TRIM15: variants seen among roughly 807,000 people sequenced by gnomAD.
The protein encoded by TRIM15 is tripartite motif containing 15, also known as E3 ubiquitin-protein ligase TRIM15.
In TRIM15, 35 loss-of-function variants were observed where a neutral mutation model predicts 35.8. That is an observed-to-expected ratio of 0.98 (90% CI 0.75 to 1.30). The LOEUF is 1.30. Ranked by LOEUF, TRIM15 falls within the 50% of genes most tolerant of loss-of-function variation. The pLI is 0.00. For synonymous variants in TRIM15, 252 were observed against 249.8 expected, an observed-to-expected ratio of 1.01 and a Z score of -0.08; for missense variants, 590 against 593.5, an observed-to-expected ratio of 0.99 and a Z score of 0.06.
At position 30,163,766 on chromosome 6, in the gene TRIM15, A is replaced by G. The variant is rs368737286; in HGVS notation, c.82A>G (p.Thr28Ala). The G allele has an allele frequency of 6.1e-5, 98 of 1,612,904 alleles. No individual in the cohort carries two copies. The African/African-American group carries it at 1.1e-3, about 18-fold the overall frequency. The change falls in exon 1 of 7, where the codon ACC becomes GCC. Residue 28 changes from threonine (T) to alanine (A), a missense_variant. By Grantham distance (58) the Thr-to-Ala change is moderately conservative. Coordinates refer to ENST00000376694, the MANE Select transcript of TRIM15 (RefSeq NM_033229.3). ...TGCGGGGCCGCTGGAGGATGCGGTG[A>G]CCATTCCCTGTGGACACACCTTCTG... ...LCAGPLEDAV[T>A]IPCGHTFCRL...
In TRIM15 at chr6:30,163,845, T is replaced by C. The variant is rs546917735; in HGVS notation, c.161T>C (p.Ile54Thr). The change falls in exon 1 of 7, where the codon ATC becomes ACC. Residue 54 changes from isoleucine (I) to threonine (T), a missense_variant. Physicochemically the swap from Ile to Thr is moderately conservative, Grantham distance 89. Transcript: ENST00000376694. ...ATGGGGGCCCAATCCTCGGGCAAGATCCTGCTCTGCCCGCTCTGCCAAGAG... is the reference window on the plus strand; with the variant it reads ...ATGGGGGCCCAATCCTCGGGCAAGACCCTGCTCTGCCCGCTCTGCCAAGAG... ...SQMGAQSSGK[I>T]LLCPLCQEEE... is the part of the protein sequence containing the mutation. 9 of 1,612,984 alleles carry C rather than the reference T, an allele frequency of 5.6e-6. No individual in the cohort carries two copies. The East Asian group carries it at 2.0e-4, about 36-fold the overall frequency.
chr6:30,171,888 AG>A lies in TRIM15; in HGVS notation c.939del (p.Lys314SerfsTer3). The A allele has an allele frequency of 6.3e-7, 1 of 1,599,386 alleles. No homozygotes were observed. The highest frequency in any genetic ancestry group is 8.5e-7 in the Non-Finnish European group (1 of 1,173,062). ...ASRSLVLSED[R>X]KSVRYTRQKK... is the part of the protein sequence containing the mutation. ...CCGGAGCCTGGTTCTCTCGGAAGAC[AG>A]GAAGTCAGTGAGGTACACCCGGCAG... is the stretch of plus-strand genomic sequence containing the variant. On this transcript the variant is annotated frameshift_variant, in exon 7 of 7. Transcript: ENST00000376694. LOFTEE classifies it low-confidence loss of function (END_TRUNC).
Position 30,172,274 on chromosome 6 carries a change from T to A in TRIM15, c.1323T>A (p.Thr441=). 1.9e-6 allele frequency: 3 copies of A among 1,612,906 alleles called. No individual in the cohort carries two copies. The highest frequency in any genetic ancestry group is 1.7e-6 in the Non-Finnish European group (2 of 1,179,940). ...CCCAGGAGCCCATCTTCACCTTCAC[T>A]GCCTCTTTCTCCGGCAAAGTCTTCC... ...AQTQEPIFTF[T]ASFSGKVFPF... is the part of the protein sequence containing the mutation. Residue 441 remains threonine, a synonymous_variant, in exon 7 of 7, where the codon ACT becomes ACA. Coordinates refer to ENST00000376694, the MANE Select transcript of TRIM15 (RefSeq NM_033229.3).
Position 30,163,790 on chromosome 6 carries a change from T to A in TRIM15, c.106T>A (p.Cys36Ser). ...GACCATTCCCTGTGGACACACCTTCTGCCGGCTCTGCCTCCCCGCGCTCTC... is the reference window on the plus strand; with the variant it reads ...GACCATTCCCTGTGGACACACCTTCAGCCGGCTCTGCCTCCCCGCGCTCTC... ...AVTIPCGHTFCRLCLPALSQM... is the reference protein window; with the variant it reads ...AVTIPCGHTFSRLCLPALSQM... The change falls in exon 1 of 7, where the codon TGC becomes AGC. Residue 36 changes from cysteine (C) to serine (S), a missense_variant. Physicochemically the swap from Cys to Ser is moderately radical, Grantham distance 112. Coordinates refer to ENST00000376694, the MANE Select transcript of TRIM15 (RefSeq NM_033229.3). The A allele has an allele frequency of 6.2e-7, 1 of 1,613,006 alleles. No individual in the cohort carries two copies. The highest frequency in any genetic ancestry group is 8.5e-7 in the Non-Finnish European group (1 of 1,180,022).
At chr6:30,169,367 C>A in intron 4 of TRIM15, 104 bp downstream of exon 4, 1 of 1,262,774 alleles carries the variant, frequency 7.9e-7, no homozygotes, top group Non-Finnish European at 1.2e-6. Flanking sequence ...AAAGCAAAGG[C>A]ACTCTGGCAG....
intron 1 of TRIM15, among the ~76,000 whole-genome samples, chr6:30,164,739 C>T (rs1008875851): frequency 1.6e-4 from 24 of 152,308 alleles, no homozygotes; most frequent in African/African-American, 5.8e-4. Context: ...CCATTCTCAC[C>T]CTTTCCAGTC....
Position 30,172,374 on chromosome 6 carries a change from A to G in TRIM15, c.*25A>G, listed in dbSNP as rs1411306675. On this transcript the variant is annotated 3_prime_UTR_variant, in exon 7 of 7. Coordinates refer to ENST00000376694, the MANE Select transcript of TRIM15 (RefSeq NM_033229.3). ...AAGTGGGGCGCGCGAAGGGCGGCGA[A>G]GCGGAGACGGCGGCTCTCCGGGATC... The G allele has an allele frequency of 7.0e-6, 11 of 1,570,914 alleles. No homozygotes were observed. In the South Asian group the frequency reaches 8.3e-5, roughly 12 times the overall value.
At chr6:30,168,598 C>G (rs1650707095) in intron 3 of TRIM15, 68 bp downstream of exon 3, 2 of 1,439,140 alleles carry the variant, frequency 1.4e-6, no homozygotes, top group Admixed American at 2.0e-5. Flanking sequence ...GGGCACCATG[C>G]TTTGGGCTGG....
chr6:30,165,920 C>T (rs1455656805), intron 1 of TRIM15, among the ~76,000 whole-genome samples: 1 of 152,202 alleles, frequency 6.6e-6, no homozygotes, highest in Non-Finnish European at 1.5e-5. Flanking sequence ...AGTGTCTGTT[C>T]ATATCCTTCA....
At position 30,171,989 on chromosome 6, in the gene TRIM15, C is replaced by T; in HGVS notation, c.1038C>T (p.Ser346=). The T allele has an allele frequency of 3.8e-6, 6 of 1,582,016 alleles. No homozygotes were observed. Among genetic ancestry groups the T allele is most frequent in the Non-Finnish European group, 4.3e-6 (5 of 1,163,622 alleles). The change falls in exon 7 of 7, where the codon TCC becomes TCT. Residue 346 remains serine, a synonymous_variant. Transcript: ENST00000376694. ...TTCTGGGCTTCCCGGGCTTCTCCTC[C>T]GGGCGCCACCGCTGGCAGGTTGACC... The part of the protein sequence containing the change: ...PAVLGFPGFS[S]GRHRWQVDLQ...
At chr6:30,170,915 TG>T in intron 5 of TRIM15, 60 bp from the exon 6 acceptor site, 1 of 1,574,922 alleles carries the variant, frequency 6.3e-7, no homozygotes. Flanking sequence ...ACCTTGCCCC[TG>T]GGGGTGCCTA....
intron 1 of TRIM15, among the ~76,000 whole-genome samples, chr6:30,164,314 G>C (rs1773423606): frequency 6.6e-6 from 1 of 152,146 alleles, no homozygotes; most frequent in African/African-American, 2.4e-5. Context: ...GCAAAGAACT[G>C]TAGCCTTGGC....
chr6:30,168,333 A>G lies in TRIM15; in HGVS notation c.511A>G (p.Thr171Ala), dbSNP rs1291460659. ...QIESKKHQVE[T>A]AFERLQQELE... ...CGAAAGCAAGAAGCATCAGGTGGAA[A>G]CAGCTTTTGAGAGGCTGCAGCAGGA... Residue 171 changes from threonine (T) to alanine (A), a missense_variant, in exon 3 of 7, where the codon ACA becomes GCA. Physicochemically the swap from Thr to Ala is moderately conservative, Grantham distance 58. Coordinates refer to ENST00000376694, the MANE Select transcript of TRIM15 (RefSeq NM_033229.3). The G allele has an allele frequency of 6.2e-7, 1 of 1,613,060 alleles. No individual in the cohort carries two copies. The highest frequency in any genetic ancestry group is 8.5e-7 in the Non-Finnish European group (1 of 1,180,004).
chr6:30,164,352 A>G (rs1458086772), intron 1 of TRIM15, among the ~76,000 whole-genome samples: 1 of 152,174 alleles, frequency 6.6e-6, no homozygotes, highest in Non-Finnish European at 1.5e-5. Flanking sequence ...GAAAGCTCCA[A>G]TGCCGAGTGG....
chr6:30,170,910 G>T (rs1773967913), intron 5 of TRIM15, 66 bp from the exon 6 acceptor site: 4 of 1,557,694 alleles, frequency 2.6e-6, no homozygotes, highest in Admixed American at 1.8e-5. Flanking sequence ...AAGTCACCTT[G>T]CCCCTGGGGG....
intron 1 of TRIM15, 108 bp downstream of exon 1, chr6:30,164,173 C>T (rs916434354): frequency 3.4e-6 from 5 of 1,457,922 alleles, no homozygotes; most frequent in Non-Finnish European, 4.6e-6. Context: ...CATCAGGGAA[C>T]CCTAAGGTTA....
At chr6:30,170,307 C>G (rs767970177) in intron 4 of TRIM15, 194 bp from the exon 5 acceptor site, 1 of 566,062 alleles carries the variant, frequency 1.8e-6, no homozygotes, top group African/African-American at 1.9e-5. Context: ...TCCTTAGTTC[C>G]TCTTAGGTTT....
Position 30,170,540 on chromosome 6 carries a change from T to C in TRIM15, c.771T>C (p.Ser257=), listed in dbSNP as rs769584840. ...CTTTTGTGAGTCCTGAGGCCATTTC[T>C]CCTGACCTTGTCAAGAAGATCCGTG... The part of the protein sequence containing the change: ...MKTFVSPEAI[S]PDLVKKIRDF... The change falls in exon 5 of 7, where the codon TCT becomes TCC. Residue 257 remains serine, a synonymous_variant. Coordinates refer to ENST00000376694, the MANE Select transcript of TRIM15 (RefSeq NM_033229.3). The C allele has an allele frequency of 1.8e-5, 29 of 1,614,140 alleles. No individual in the cohort carries two copies. Among genetic ancestry groups the C allele is most frequent in the Non-Finnish European group, 2.5e-5 (29 of 1,180,020 alleles).
At chr6:30,164,162 A>C in intron 1 of TRIM15, 97 bp downstream of exon 1, 1 of 1,487,396 alleles carries the variant, frequency 6.7e-7, no homozygotes, top group Non-Finnish European at 9.0e-7. Flanking sequence ...AAAGGCTTCC[A>C]CATCAGGGAA....
Sources: allele counts gnomAD v4.1 joint callset (sites outside exome capture counted in the v4.1 genomes callset), GRCh38; gene constraint gnomAD v4.1.1; transcripts MANE v1.5; gene names NCBI Gene and HGNC (gene_info 2026-07-23, HGNC 2026-07-21).